The following MRM1 variants were observed in gnomAD, a reference collection of about 807,000 sequenced individuals.
The protein encoded by MRM1 is mitochondrial rRNA methyltransferase 1.
Under a neutral mutation model 25.0 loss-of-function variants are expected in MRM1, and 24 were observed. The ratio of observed to expected loss-of-function variants is 0.96; its 90% CI spans 0.69 to 1.35. MRM1 has a LOEUF of 1.35. Ranked by LOEUF, MRM1 falls within the 40% of genes most tolerant of loss-of-function variation. The probability of loss-of-function intolerance (pLI) is 0.00; values close to 1 mark genes in which losing one functional copy is unlikely to be tolerated. For missense variants in MRM1, 431 were observed against 464.1 expected (o/e 0.93, Z 0.65); for synonymous variants, 188 against 199.2 (o/e 0.94, Z 0.47).
At chr17:36,603,167 ACCCCCCCCAACC>A in intron 2 of MRM1, 1 of 918,594 alleles carries the variant, frequency 1.1e-6, no homozygotes, top group Non-Finnish European at 1.3e-6. Context: ...CTCTGACCAT[ACCCCCCCCAACC>A]CCCACCCCAA....
At chr17:36,625,222 C>G in the MRM1 span, among the ~76,000 whole-genome samples, 89 of 152,310 alleles carry the variant, frequency 5.8e-4, no homozygotes, top group African/African-American at 1.9e-3. Context: ...GCTCAGAAAC[C>G]TTCAATAACT....
intron 2 of MRM1, among the ~76,000 whole-genome samples, chr17:36,606,942 T>G (rs1208649731): frequency 7.1e-6 from 1 of 140,548 alleles, no homozygotes; most frequent in Non-Finnish European, 1.5e-5. Flanking sequence ...GAGATGGAGT[T>G]TCACTCTTGC....
At position 36,608,773 on chromosome 17, in the gene MRM1, T is replaced by G; in HGVS notation, c.*358T>G. On this transcript the variant is annotated 3_prime_UTR_variant, in exon 5 of 5. Coordinates refer to ENST00000614766, the MANE Select transcript of MRM1 (RefSeq NM_024864.5). Reference sequence around the variant, plus strand: ...CGTTCCTCTTGAACCAGTCATTGCCTGTGGCAAATGTGTGTATGAGAATGT... The same window carrying G: ...CGTTCCTCTTGAACCAGTCATTGCCGGTGGCAAATGTGTGTATGAGAATGT... 2 of 211,744 alleles carry G rather than the reference T, an allele frequency of 9.4e-6. No individual in the cohort carries two copies. Among genetic ancestry groups the G allele is most frequent in the Non-Finnish European group, 1.9e-5 (2 of 107,448 alleles). The allele number at this position is 211,744 out of a possible 1,614,324, so 13.1% of individuals were successfully genotyped here.
At chr17:36,606,210 G>A (rs1257837273) in intron 2 of MRM1, among the ~76,000 whole-genome samples, 2 of 152,106 alleles carry the variant, frequency 1.3e-5, no homozygotes, top group African/African-American at 2.4e-5. Flanking sequence ...GCACTCAAAT[G>A]TCACCTCAGT....
downstream of MRM1, among the ~76,000 whole-genome samples, chr17:36,613,658 G>A (rs2074990527): frequency 6.6e-6 from 1 of 152,222 alleles, no homozygotes; most frequent in Non-Finnish European, 1.5e-5. Context: ...GGGAGGCTTG[G>A]CGGCAAGGCC....
intron 4 of MRM1, 54 bp from the exon 5 acceptor site, chr17:36,608,189 T>TA: frequency 6.5e-7 from 1 of 1,531,142 alleles, no homozygotes; most frequent in East Asian, 2.3e-5. Flanking sequence ...TCTAGGTCTC[T>TA]AAACATCATC....
the MRM1 span, among the ~76,000 whole-genome samples, chr17:36,626,488 G>T: frequency 1.3e-5 from 2 of 152,084 alleles, no homozygotes; most frequent in African/African-American, 4.8e-5. Flanking sequence ...TCAGCCTCCT[G>T]ACTAGCTGTG....
At chr17:36,632,525 C>A in the MRM1 span, among the ~76,000 whole-genome samples, 1 of 152,080 alleles carries the variant, frequency 6.6e-6, no homozygotes, top group Non-Finnish European at 1.5e-5. Flanking sequence ...ATGGGATAAT[C>A]TGTGTCAGGT....
chr17:36,621,113 G>T, the MRM1 span, among the ~76,000 whole-genome samples: 1 of 152,134 alleles, frequency 6.6e-6, no homozygotes, highest in Non-Finnish European at 1.5e-5. Flanking sequence ...GGGGCCTGGA[G>T]CCTGGCAGGT....
At chr17:36,604,281 C>T (rs1251661350) in intron 2 of MRM1, among the ~76,000 whole-genome samples, 4 of 152,254 alleles carry the variant, frequency 2.6e-5, no homozygotes, top group Non-Finnish European at 5.9e-5. Context: ...CCAGTGGCCT[C>T]CATGTTGCTG....
At chr17:36,611,923 G>T (rs546876613), downstream of MRM1, among the ~76,000 whole-genome samples, 1 of 151,034 alleles carries the variant, frequency 6.6e-6, no homozygotes, top group Non-Finnish European at 1.5e-5. Flanking sequence ...CATTGCATGA[G>T]CCAATGCCTT....
At chr17:36,612,174 G>C (rs1271167939), downstream of MRM1, among the ~76,000 whole-genome samples, 1 of 152,082 alleles carries the variant, frequency 6.6e-6, no homozygotes, top group Non-Finnish European at 1.5e-5. Context: ...TGGACATGCT[G>C]TTCATCAGCT....
the MRM1 span, among the ~76,000 whole-genome samples, chr17:36,622,060 G>A: frequency 6.6e-6 from 1 of 152,134 alleles, no homozygotes; most frequent in Admixed American, 6.5e-5. Flanking sequence ...GTTGAACTCT[G>A]GATGCTCTGC....
chr17:36,607,642 T>C, intron 2 of MRM1, 28 bp from the exon 3 acceptor site: 1 of 1,594,786 alleles, frequency 6.3e-7, no homozygotes, highest in Non-Finnish European at 8.5e-7. Context: ...AAAAAAAGAA[T>C]TAGAACATAT....
intron 2 of MRM1, 83 bp from the exon 3 acceptor site, chr17:36,607,587 C>T (rs1048847341): frequency 6.8e-7 from 1 of 1,475,102 alleles, no homozygotes; most frequent in Non-Finnish European, 9.1e-7. Flanking sequence ...CGTGCCACTG[C>T]ACTCCAGCCT....
intron 2 of MRM1, among the ~76,000 whole-genome samples, chr17:36,604,922 C>A (rs1231520877): frequency 1.3e-5 from 2 of 151,536 alleles, no homozygotes; most frequent in Admixed American, 1.3e-4. Context: ...GGTGGATCAC[C>A]TGAGGTCAGG....
Position 36,608,541 on chromosome 17 carries a change from G to GT in MRM1, c.*126_*127insT. 2.4e-6 allele frequency: 1 copy of GT among 409,804 alleles called. No individual in the cohort carries two copies. Among genetic ancestry groups the GT allele is most frequent in the Non-Finnish European group, 4.1e-6 (1 of 241,160 alleles). 25.4% of individuals were successfully genotyped at this position (409,804 alleles called of 1,614,324 possible). A position where few individuals can be genotyped will look rare whatever the true frequency, so the allele number is the denominator to read the frequency against. On this transcript the variant is annotated 3_prime_UTR_variant, in exon 5 of 5. Coordinates refer to ENST00000614766, the MANE Select transcript of MRM1 (RefSeq NM_024864.5). The stretch of plus-strand genomic sequence containing the variant: ...GCCCATGTTTATTGACCACAGTCTG[G>GT]GGGGGGGGGAAGGGGACTGCGGTGG...
chr17:36,614,290 T>A, the MRM1 span, among the ~76,000 whole-genome samples: 1 of 152,042 alleles, frequency 6.6e-6, no homozygotes, highest in Admixed American at 6.5e-5. Flanking sequence ...ACCTCCCTAG[T>A]GGTCTTCAGC....
At chr17:36,619,903 G>A in the MRM1 span, among the ~76,000 whole-genome samples, 1 of 152,126 alleles carries the variant, frequency 6.6e-6, no homozygotes, top group Non-Finnish European at 1.5e-5. Flanking sequence ...TGGATGCGAG[G>A]CGGCATCTCC....
Sources: gnomAD v4.1 joint callset for allele counts (sites outside exome capture counted in the v4.1 genomes callset) on GRCh38, gnomAD v4.1.1 for gene constraint, MANE v1.5 for transcripts, NCBI Gene and HGNC (gene_info 2026-07-23, HGNC 2026-07-21) for gene names.